Variants in CADM2 observed in about 807,000 individuals in gnomAD.
CADM2 encodes the protein immunoglobulin superfamily member 4D.
CADM2 carries 12 observed loss-of-function variants against 49.8 expected under a neutral mutation model. The ratio of observed to expected loss-of-function variants is 0.24; its 90% CI spans 0.15 to 0.39. The LOEUF (loss-of-function observed/expected upper bound fraction) is 0.39, where lower values mean the gene tolerates loss of function less well. CADM2 is among the 10% of genes least tolerant of loss of function. The pLI is 1.00. For missense variants in CADM2, 378 were observed against 492.3 expected (o/e 0.77, Z 2.20); for synonymous variants, 214 against 175.4 (o/e 1.22, Z -1.74).
At chr3:85,552,366 GTTTTTTTTTTTTTTTTTTTTTTTT>G (rs36014885) in intron 1 of CADM2, among the ~76,000 whole-genome samples, 2 of 87,588 alleles carry the variant, frequency 2.3e-5, no homozygotes, top group African/African-American at 9.3e-5. Context: ...ACTTTGAAAA[GTTTTTTTTTTTTTTTTTTTTTTTT>G]TTTTTTGAGA....
At chr3:85,171,964 C>T (rs544079607) in intron 1 of CADM2, among the ~76,000 whole-genome samples, 23 of 152,264 alleles carry the variant, frequency 1.5e-4, no homozygotes, top group African/African-American at 5.5e-4. Context: ...GCTGATATGG[C>T]ATAATAAACT....
chr3:85,098,971 A>G (rs2037910243), intron 1 of CADM2, among the ~76,000 whole-genome samples: 1 of 152,182 alleles, frequency 6.6e-6, no homozygotes, highest in African/African-American at 2.4e-5. Context: ...TTTTCATTTT[A>G]TACCCATAAC....
intron 1 of CADM2, among the ~76,000 whole-genome samples, chr3:85,448,307 T>C (rs1022429851): frequency 1.3e-4 from 18 of 134,800 alleles, no homozygotes; most frequent in Non-Finnish European, 1.4e-4. Context: ...CACTCCAGCC[T>C]GGGCGACAGA....
At chr3:86,015,609 T>C (rs1434632736) in intron 8 of CADM2, among the ~76,000 whole-genome samples, 1 of 152,188 alleles carries the variant, frequency 6.6e-6, no homozygotes, top group Non-Finnish European at 1.5e-5. Context: ...GCTTGTGAGC[T>C]CGCCAAACAA....
chr3:85,716,716 G>T (rs532139570), intron 1 of CADM2, among the ~76,000 whole-genome samples: 122 of 152,152 alleles, frequency 8.0e-4, no homozygotes, highest in African/African-American at 2.7e-3. Context: ...TCTGCATATG[G>T]CCATCCAGTT....
At chr3:85,193,309 G>T (rs1682593812) in intron 1 of CADM2, among the ~76,000 whole-genome samples, 2 of 151,922 alleles carry the variant, frequency 1.3e-5, no homozygotes, top group South Asian at 4.1e-4. Context: ...TGCTGATGAT[G>T]ATAGACTTTA....
intron 8 of CADM2, among the ~76,000 whole-genome samples, chr3:86,055,540 C>G (rs528053053): frequency 4.8e-4 from 69 of 143,268 alleles, no homozygotes; most frequent in Middle Eastern, 3.8e-3. Flanking sequence ...GATCTCAGCT[C>G]ACTGCAAACT....
At chr3:85,269,754 T>G (rs1576249087) in intron 1 of CADM2, among the ~76,000 whole-genome samples, 1 of 151,400 alleles carries the variant, frequency 6.6e-6, no homozygotes, top group South Asian at 2.1e-4. Context: ...CCTGTTTCTT[T>G]TGAGGCCGAA....
rs200795593 is a variant in CADM2 at position 85,317,697 on chromosome 3, CAGAGCCCTT to C, written c.61+358031_61+358039del. ...AGTGGGATTTATCCATTCATGAGGG[CAGAGCCCTT>C]ATGATTTAAACACTTCCCATTAGGC... On this transcript the variant is annotated intron_variant, in intron 1 of 9. Transcript: ENST00000383699. Among the ~76,000 whole-genome samples, 6 of 152,302 alleles carry C rather than the reference CAGAGCCCTT, an allele frequency of 3.9e-5. No homozygotes were observed. In the East Asian group the frequency reaches 1.2e-3, roughly 30 times the overall value.
chr3:84,986,597 C>A (rs549213986), intron 1 of CADM2, among the ~76,000 whole-genome samples: 1 of 151,138 alleles, frequency 6.6e-6, no homozygotes, highest in South Asian at 2.1e-4. Flanking sequence ...ACTCTGGGGA[C>A]TGTTGTGGGG....
chr3:85,680,710 A>T, intron 1 of CADM2, among the ~76,000 whole-genome samples: 1 of 152,196 alleles, frequency 6.6e-6, no homozygotes, highest in East Asian at 1.9e-4. Flanking sequence ...GGGGAATTCA[A>T]AAATATCTCT....
intron 1 of CADM2, among the ~76,000 whole-genome samples, chr3:85,266,353 G>T (rs1308621797): frequency 6.6e-6 from 1 of 151,748 alleles, no homozygotes; most frequent in African/African-American, 2.4e-5. Context: ...TGACTATTCA[G>T]TTCAAAATAT....
At chr3:85,152,742 G>C (rs2039966058) in intron 1 of CADM2, among the ~76,000 whole-genome samples, 1 of 152,020 alleles carries the variant, frequency 6.6e-6, no homozygotes, top group African/African-American at 2.4e-5. Context: ...TGGATCATGA[G>C]GTCAGGAGAT....
chr3:85,392,687 C>A (rs940860599), intron 1 of CADM2, among the ~76,000 whole-genome samples: 2 of 152,018 alleles, frequency 1.3e-5, no homozygotes, highest in African/African-American at 4.8e-5. Flanking sequence ...AAGTAAAGTT[C>A]TTTTTCTGGA....
chr3:85,133,899 C>G (rs919825388), intron 1 of CADM2, among the ~76,000 whole-genome samples: 3 of 152,206 alleles, frequency 2.0e-5, no homozygotes, highest in African/African-American at 7.2e-5. Context: ...GACTGGGCGC[C>G]GTGGAGCAGG....
chr3:85,730,667 T>C (rs1221864329), intron 2 of CADM2, among the ~76,000 whole-genome samples: 1 of 152,144 alleles, frequency 6.6e-6, no homozygotes. Context: ...TTAAAATTTC[T>C]TTGTATAAAA....
In CADM2 at chr3:85,769,258, T is replaced by TATATACACAC. The variant is rs1427070457; in HGVS notation, c.89-32780_89-32779insCATATACACA. On this transcript the variant is annotated intron_variant, in intron 2 of 9. Transcript: ENST00000383699. ...TATACACATATATACATATATAGTATATATACACATATATACATATATACA... is the reference window on the plus strand; with the variant it reads ...TATACACATATATACATATATAGTATATATACACACATATACACATATATACATATATACA... Among the ~76,000 whole-genome samples the TATATACACAC allele has an allele frequency of 3.4e-3, 368 of 107,776 alleles. 3 individuals carry two copies. Among genetic ancestry groups the TATATACACAC allele is most frequent in the East Asian group, 5.6e-3 (23 of 4,086 alleles). 70.7% of individuals were successfully genotyped at this position (107,776 alleles called of 152,430 possible). A position where few individuals can be genotyped will look rare whatever the true frequency, so the allele number is the denominator to read the frequency against.
chr3:85,611,708 C>CT (rs201572143), intron 1 of CADM2, among the ~76,000 whole-genome samples: 62 of 147,062 alleles, frequency 4.2e-4, no homozygotes, highest in South Asian at 8.7e-4. Context: ...CAGAGGAATA[C>CT]TTTTTTTTTT....
Position 84,995,471 on chromosome 3 carries a change from A to G in CADM2, c.61+35803A>G, listed in dbSNP as rs187167040. Among the ~76,000 whole-genome samples, 514 of 152,332 alleles carry G rather than the reference A, an allele frequency of 3.4e-3. 3 individuals carry two copies. Among genetic ancestry groups the G allele is most frequent in the African/African-American group, 0.012 (492 of 41,578 alleles). On this transcript the variant is annotated intron_variant, in intron 1 of 9. Coordinates refer to ENST00000383699, the MANE Select transcript of CADM2 (RefSeq NM_001167675.2). ...GCATAACTCATTTCGCAACCACACT[A>G]TAACGGAAAGAAGCTTTAATTTGGA...
Sources: allele counts gnomAD v4.1 joint callset (sites outside exome capture counted in the v4.1 genomes callset), GRCh38; gene constraint gnomAD v4.1.1; transcripts MANE v1.5; gene names NCBI Gene and HGNC (gene_info 2026-07-23, HGNC 2026-07-21).